Variants in ADGRB3 observed in about 807,000 individuals in gnomAD.
The protein encoded by ADGRB3 is adhesion G protein-coupled receptor B3.
A neutral mutation model predicts 193.4 loss-of-function variants in ADGRB3; 37 were observed. That is an observed-to-expected ratio of 0.19 (90% confidence interval 0.15 to 0.25). The LOEUF (loss-of-function observed/expected upper bound fraction) is 0.25, where lower values mean the gene tolerates loss of function less well. ADGRB3 is among the 10% of genes least tolerant of loss of function. The pLI, the probability that ADGRB3 is intolerant of heterozygous loss-of-function variation, is 1.00. For synonymous variants in ADGRB3, 690 were observed against 644.2 expected (o/e 1.07, Z -1.08); for missense variants, 1,637 against 1,852.9 (o/e 0.88, Z 2.14).
intron 18 of ADGRB3, among the ~76,000 whole-genome samples, 162 bp from the exon 19 acceptor site, chr6:69,234,870 G>A (rs1766225996): frequency 6.6e-6 from 1 of 152,054 alleles, no homozygotes; most frequent in African/African-American, 2.4e-5. Flanking sequence ...TATTTTTAGA[G>A]GTTGAGAATG....
chr6:69,064,631 A>T (rs925370036), intron 16 of ADGRB3, among the ~76,000 whole-genome samples: 1 of 114,634 alleles, frequency 8.7e-6, no homozygotes, highest in Non-Finnish European at 2.0e-5. Flanking sequence ...AAGTATTGGG[A>T]GAATGTAGTA....
chr6:69,089,979 G>T (rs1772660365), intron 17 of ADGRB3, among the ~76,000 whole-genome samples: 1 of 152,166 alleles, frequency 6.6e-6, no homozygotes, highest in Non-Finnish European at 1.5e-5. Flanking sequence ...CCCCAACTTA[G>T]AATAACAACC....
intron 28 of ADGRB3, among the ~76,000 whole-genome samples, chr6:69,356,683 G>A (rs771105989): frequency 7.2e-5 from 11 of 152,026 alleles, no homozygotes; most frequent in East Asian, 1.9e-4. Context: ...TATCAAGTAC[G>A]GAATATGGGT....
At chr6:68,727,134 C>A (rs1269877947) in intron 3 of ADGRB3, among the ~76,000 whole-genome samples, 2 of 151,508 alleles carry the variant, frequency 1.3e-5, no homozygotes, top group Non-Finnish European at 3.0e-5. Flanking sequence ...TCAGCTTTGT[C>A]ATTCAATGAT....
At chr6:69,143,384 T>C (rs561890196) in intron 17 of ADGRB3, among the ~76,000 whole-genome samples, 2 of 152,336 alleles carry the variant, frequency 1.3e-5, no homozygotes, top group Admixed American at 1.3e-4. Flanking sequence ...CTTTTTAACT[T>C]GATGTAATCT....
intron 24 of ADGRB3, 61 bp from the exon 25 acceptor site, chr6:69,338,855 A>G (rs1768909556): frequency 7.3e-7 from 1 of 1,360,602 alleles, no homozygotes; most frequent in Admixed American, 2.0e-5. Context: ...TGAAGCAGCA[A>G]TTTTTTTTTG....
At chr6:69,064,866 A>C (rs1771855387) in intron 16 of ADGRB3, among the ~76,000 whole-genome samples, 1 of 152,170 alleles carries the variant, frequency 6.6e-6, no homozygotes, top group African/African-American at 2.4e-5. Context: ...TCACTATTTG[A>C]GTATAATAAA....
At chr6:69,356,942 A>G (rs890164595) in intron 28 of ADGRB3, among the ~76,000 whole-genome samples, 1 of 152,062 alleles carries the variant, frequency 6.6e-6, no homozygotes, top group Non-Finnish European at 1.5e-5. Flanking sequence ...AATATGCCTC[A>G]TTTTACCTTT....
intron 3 of ADGRB3, among the ~76,000 whole-genome samples, chr6:68,868,570 G>C (rs1307857034): frequency 6.6e-6 from 1 of 152,080 alleles, no homozygotes; most frequent in Non-Finnish European, 1.5e-5. Flanking sequence ...CAACTATACA[G>C]TAGTTTCACA....
intron 3 of ADGRB3, among the ~76,000 whole-genome samples, chr6:68,908,354 C>G (rs1267811409): frequency 6.6e-6 from 1 of 152,074 alleles, no homozygotes; most frequent in Non-Finnish European, 1.5e-5. Flanking sequence ...TTCTGAACGC[C>G]TAAGAGCATT....
At chr6:69,154,689 A>G in intron 17 of ADGRB3, among the ~76,000 whole-genome samples, 1 of 152,154 alleles carries the variant, frequency 6.6e-6, no homozygotes, top group Non-Finnish European at 1.5e-5. Context: ...CTGCTAACGT[A>G]TAGGTCTAAT....
intron 6 of ADGRB3, among the ~76,000 whole-genome samples, chr6:68,954,942 A>G (rs1768030358): frequency 6.6e-6 from 1 of 152,228 alleles, no homozygotes; most frequent in Non-Finnish European, 1.5e-5. Flanking sequence ...CAGCCTCCCA[A>G]AGTGCTGCGA....
intron 3 of ADGRB3, among the ~76,000 whole-genome samples, chr6:68,671,706 C>T (rs995329076): frequency 5.9e-5 from 9 of 151,760 alleles, no homozygotes; most frequent in African/African-American, 2.2e-4. Context: ...GAGATATTGG[C>T]CTGTAGGTTT....
At chr6:69,012,025 G>C (rs1223751736) in intron 11 of ADGRB3, among the ~76,000 whole-genome samples, 3 of 151,924 alleles carry the variant, frequency 2.0e-5, no homozygotes, top group Non-Finnish European at 4.4e-5. Flanking sequence ...TGTTTGGTTG[G>C]CCCAACATGT....
chr6:68,677,191 T>G (rs1769112236), intron 3 of ADGRB3, among the ~76,000 whole-genome samples: 1 of 152,218 alleles, frequency 6.6e-6, no homozygotes, highest in African/African-American at 2.4e-5. Context: ...AAGGCTTACA[T>G]GGAATACTGT....
chr6:69,029,655 G>A lies in ADGRB3; in HGVS notation c.2107+11156G>A, dbSNP rs182932383. Among the ~76,000 whole-genome samples the A allele has an allele frequency of 2.5e-3, 383 of 152,226 alleles. 1 individual carries two copies. The highest frequency in any genetic ancestry group is 4.0e-3 in the Non-Finnish European group (272 of 68,006). On this transcript the variant is annotated intron_variant, in intron 13 of 31. Transcript: ENST00000370598. ...TACAATGTATGAGAAAAGAGCTTAA[G>A]GACTGAAGAATGAAATGACTATAAC...
In ADGRB3 at chr6:68,701,124, C is replaced by T. The variant is rs1005950913; in HGVS notation, c.757+61692C>T. On this transcript the variant is annotated intron_variant, in intron 3 of 31. Transcript: ENST00000370598. ...AAATTTAATTTTAAATTATAAAAAG[C>T]ACTTCAAAATGATTAGAATAATCAA... is the stretch of plus-strand genomic sequence containing the variant. Among the ~76,000 whole-genome samples the T allele has an allele frequency of 2.4e-4, 36 of 151,714 alleles. 2 individuals carry two copies. The highest frequency in any genetic ancestry group is 2.2e-3 in the Admixed American group (33 of 15,198).
intron 20 of ADGRB3, among the ~76,000 whole-genome samples, chr6:69,252,990 G>C (rs1766656776): frequency 6.6e-6 from 1 of 151,882 alleles, no homozygotes; most frequent in South Asian, 2.1e-4. Flanking sequence ...GTAGGTCTTG[G>C]GGTTCATTAT....
intron 3 of ADGRB3, among the ~76,000 whole-genome samples, chr6:68,867,853 A>T (rs1765342315): frequency 6.6e-6 from 1 of 152,160 alleles, no homozygotes. Flanking sequence ...GCTTTTGGCC[A>T]ATTTCTCCCT....
Sources: allele counts gnomAD v4.1 joint callset (sites outside exome capture counted in the v4.1 genomes callset), GRCh38; gene constraint gnomAD v4.1.1; transcripts MANE v1.5; gene names NCBI Gene and HGNC (gene_info 2026-07-23, HGNC 2026-07-21).